The following DCDC1 variants were observed in gnomAD, a reference collection of about 807,000 sequenced individuals.
DCDC1 encodes doublecortin domain-containing protein 1.
In DCDC1, 200 loss-of-function variants were observed where a neutral mutation model predicts 178.3. That is an observed-to-expected ratio of 1.12 (90% CI 1.00 to 1.26). The LOEUF is 1.26. DCDC1 is among the 50% of genes most tolerant of loss of function. The probability of loss-of-function intolerance (pLI) is 0.00; values close to 1 mark genes in which losing one functional copy is unlikely to be tolerated. For synonymous variants in DCDC1, 690 were observed against 604.8 expected (o/e 1.14, Z -2.07); for missense variants, 1,983 against 1,749.2 (o/e 1.13, Z -2.38).
At chr11:31,113,288 TTTTG>T (rs913514372) in intron 11 of DCDC1, among the ~76,000 whole-genome samples, 42 of 152,170 alleles carry the variant, frequency 2.8e-4, no homozygotes, top group African/African-American at 8.2e-4. Context: ...ACATTTTCTT[TTTTG>T]TTTGTTTGTT....
rs1181536874 is a variant in DCDC1 at position 31,063,404 on chromosome 11, A to G, written c.2591+1065T>C. ...CTGCTATAAAGACACATGCACAGGT[A>G]TGTTTATTGCAGCACTATTCACAAT... On this transcript the variant is annotated intron_variant, in intron 20 of 38. Transcript: ENST00000684477. 3.9e-5 allele frequency among the ~76,000 whole-genome samples: 6 copies of G among 152,208 alleles called. No individual in the cohort carries two copies. The East Asian group carries it at 1.2e-3, about 29-fold the overall frequency.
intron 15 of DCDC1, among the ~76,000 whole-genome samples, chr11:31,096,158 G>A (rs184080336): frequency 9.3e-4 from 141 of 152,210 alleles, no homozygotes; most frequent in Non-Finnish European, 1.5e-3. Flanking sequence ...AGAAGAAAAC[G>A]TCATAAGACT....
At chr11:31,294,980 GTTAGAAGA>G (rs1480589984) in intron 6 of DCDC1, among the ~76,000 whole-genome samples, 15 of 152,084 alleles carry the variant, frequency 9.9e-5, no homozygotes, top group Admixed American at 3.3e-4. Flanking sequence ...ATGGGAAGCT[GTTAGAAGA>G]TTCTCAGCAG....
chr11:30,937,377 T>A (rs901487280), intron 21 of DCDC1, among the ~76,000 whole-genome samples: 1 of 152,108 alleles, frequency 6.6e-6, no homozygotes, highest in Admixed American at 6.6e-5. Context: ...TGGGACCTAC[T>A]CAAAAGGAAC....
chr11:31,201,677 A>G (rs936951364), intron 9 of DCDC1, among the ~76,000 whole-genome samples: 8 of 151,960 alleles, frequency 5.3e-5, no homozygotes, highest in African/African-American at 1.7e-4. Flanking sequence ...AAAAAAAAAG[A>G]CAATGAAATG....
At chr11:30,953,843 G>T (rs892639285) in intron 20 of DCDC1, among the ~76,000 whole-genome samples, 1 of 151,828 alleles carries the variant, frequency 6.6e-6, no homozygotes, top group African/African-American at 2.4e-5. Flanking sequence ...CCCAAAATAT[G>T]TCTTTGAAAT....
chr11:31,217,770 A>G (rs1191172492), intron 9 of DCDC1, among the ~76,000 whole-genome samples: 1 of 152,180 alleles, frequency 6.6e-6, no homozygotes, highest in African/African-American at 2.4e-5. Context: ...CATGCATGCT[A>G]ATAAGATTTT....
chr11:31,065,693 A>T (rs941883011), intron 18 of DCDC1, among the ~76,000 whole-genome samples: 2 of 152,202 alleles, frequency 1.3e-5, no homozygotes, highest in African/African-American at 4.8e-5. Flanking sequence ...TTCATGAATC[A>T]CTAAATAACA....
chr11:31,054,457 A>G (rs1378940181), intron 20 of DCDC1, among the ~76,000 whole-genome samples: 1 of 152,102 alleles, frequency 6.6e-6, no homozygotes, highest in East Asian at 1.9e-4. Context: ...TCAAAATACC[A>G]CCATCATTCT....
chr11:30,943,014 A>G (rs1356597318), intron 21 of DCDC1, among the ~76,000 whole-genome samples: 6 of 152,172 alleles, frequency 3.9e-5, no homozygotes, highest in Non-Finnish European at 8.8e-5. Context: ...AAGTACAGAT[A>G]TGTAATTAAA....
chr11:31,083,126 A>G (rs550768657), intron 17 of DCDC1, among the ~76,000 whole-genome samples: 1 of 152,310 alleles, frequency 6.6e-6, no homozygotes, highest in South Asian at 2.1e-4. Context: ...CTAGTCCGGT[A>G]ATGTTTGCCA....
Position 31,166,952 on chromosome 11 carries a change from A to T in DCDC1, c.1222-29168T>A, listed in dbSNP as rs947039482. Among the ~76,000 whole-genome samples the T allele has an allele frequency of 8.5e-5, 13 of 152,244 alleles. No individual in the cohort carries two copies. In the South Asian group the frequency reaches 2.7e-3, roughly 32 times the overall value. On this transcript the variant is annotated intron_variant, in intron 9 of 38. Transcript: ENST00000684477. ...GAGAATCTCAGAGACTTCAACTCTG[A>T]TATCCTTGGTACCCCGAACTAATGC...
intron 20 of DCDC1, among the ~76,000 whole-genome samples, chr11:31,044,641 C>G (rs138896962): frequency 6.6e-6 from 1 of 152,080 alleles, no homozygotes; most frequent in Admixed American, 6.6e-5. Flanking sequence ...CTTATAACTA[C>G]GAACAATTGA....
At chr11:31,184,090 T>C (rs1591337903) in intron 9 of DCDC1, among the ~76,000 whole-genome samples, 1 of 152,240 alleles carries the variant, frequency 6.6e-6, no homozygotes, top group East Asian at 1.9e-4. Flanking sequence ...AAAACAGATA[T>C]ACAGACCAAT....
intron 38 of DCDC1, among the ~76,000 whole-genome samples, chr11:30,873,113 C>G (rs1941746870): frequency 6.6e-6 from 1 of 150,818 alleles, no homozygotes; most frequent in Non-Finnish European, 1.5e-5. Flanking sequence ...CTCTCTCTCT[C>G]TCTCTCTATC....
intron 16 of DCDC1, 107 bp downstream of exon 16, chr11:31,093,943 C>A: frequency 1.5e-6 from 1 of 675,924 alleles, no homozygotes; most frequent in South Asian, 1.7e-5. Context: ...CAATTTATCA[C>A]GCTTTCACTT....
chr11:31,350,215 T>C (rs1014608032), intron 1 of DCDC1, among the ~76,000 whole-genome samples: 1 of 152,178 alleles, frequency 6.6e-6, no homozygotes, highest in Non-Finnish European at 1.5e-5. Context: ...TCTCTTAACT[T>C]TGCCAGTTTT....
At chr11:31,306,206 A>G in intron 5 of DCDC1, 26 bp downstream of exon 5, 1 of 1,462,488 alleles carries the variant, frequency 6.8e-7, no homozygotes, top group East Asian at 2.5e-5. Flanking sequence ...AAAATAAAGC[A>G]CAGAAAACTT....
chr11:31,279,908 A>G (rs956339913), intron 7 of DCDC1, among the ~76,000 whole-genome samples: 1 of 152,100 alleles, frequency 6.6e-6, no homozygotes, highest in Admixed American at 6.6e-5. Flanking sequence ...TAATAATAAT[A>G]AAAGATTATC....
Sources: gnomAD v4.1 joint callset for allele counts (sites outside exome capture counted in the v4.1 genomes callset) on GRCh38, gnomAD v4.1.1 for gene constraint, MANE v1.5 for transcripts, NCBI Gene and HGNC (gene_info 2026-07-23, HGNC 2026-07-21) for gene names.